Variants in ERBB4 observed in about 807,000 individuals in gnomAD.
ERBB4 encodes erb-b2 receptor tyrosine kinase 4.
In ERBB4, 42 loss-of-function variants were observed where a neutral mutation model predicts 158.0. That is an observed-to-expected ratio of 0.27 (90% CI 0.21 to 0.34). The LOEUF (loss-of-function observed/expected upper bound fraction) is 0.34. Among genes scored for constraint, ERBB4 ranks in the 10% least tolerant of loss-of-function variants. The pLI is 1.00. For synonymous variants in ERBB4, 583 were observed against 558.7 expected, an observed-to-expected ratio of 1.04 and a Z score of -0.61; for missense variants, 1,333 against 1,624.1, an observed-to-expected ratio of 0.82 and a Z score of 3.08.
intron 17 of ERBB4, among the ~76,000 whole-genome samples, chr2:211,627,767 G>A (rs1404915817): frequency 1.3e-5 from 2 of 152,130 alleles, no homozygotes; most frequent in Non-Finnish European, 2.9e-5. Context: ...TCAGGAGAAA[G>A]GTAAGATGGA....
intron 3 of ERBB4, among the ~76,000 whole-genome samples, chr2:211,803,789 T>C (rs541036627): frequency 2.0e-4 from 30 of 152,324 alleles, no homozygotes; most frequent in African/African-American, 7.2e-4. Context: ...AAGCTCTTAC[T>C]ACATCAATAA....
intron 16 of ERBB4, among the ~76,000 whole-genome samples, chr2:211,640,662 A>C (rs1225771551): frequency 6.6e-6 from 1 of 152,180 alleles, no homozygotes; most frequent in Non-Finnish European, 1.5e-5. Flanking sequence ...CGGTTATATT[A>C]GGAAAATTAT....
intron 1 of ERBB4, among the ~76,000 whole-genome samples, chr2:212,278,444 T>G (rs1264501911): frequency 6.6e-6 from 1 of 151,676 alleles, no homozygotes; most frequent in Non-Finnish European, 1.5e-5. Flanking sequence ...CTTATGGTCT[T>G]TTCAGTGAGG....
intron 20 of ERBB4, among the ~76,000 whole-genome samples, chr2:211,519,237 A>G (rs1186704173): frequency 6.6e-6 from 1 of 152,192 alleles, no homozygotes; most frequent in African/African-American, 2.4e-5. Flanking sequence ...TCTTTATTGC[A>G]TAAATATTTT....
chr2:211,473,981 C>T (rs575093590), intron 20 of ERBB4, among the ~76,000 whole-genome samples: 1 of 152,106 alleles, frequency 6.6e-6, no homozygotes, highest in Non-Finnish European at 1.5e-5. Flanking sequence ...CTTTCCATTT[C>T]GTCTCCAAGG....
intron 3 of ERBB4, among the ~76,000 whole-genome samples, chr2:211,835,559 T>C (rs941942625): frequency 6.6e-6 from 1 of 152,158 alleles, no homozygotes; most frequent in Non-Finnish European, 1.5e-5. Context: ...GTATAATCAA[T>C]ATGAAGTCAC....
intron 3 of ERBB4, among the ~76,000 whole-genome samples, chr2:211,804,518 C>A (rs1275252192): frequency 6.6e-6 from 1 of 152,190 alleles, no homozygotes; most frequent in Non-Finnish European, 1.5e-5. Flanking sequence ...CCAAAAAAGT[C>A]TTTCCAATAG....
At chr2:211,941,471 C>G (rs940784683) in intron 3 of ERBB4, among the ~76,000 whole-genome samples, 2 of 151,990 alleles carry the variant, frequency 1.3e-5, no homozygotes, top group Non-Finnish European at 2.9e-5. Flanking sequence ...GAATATGTCT[C>G]TTGTGTAGGT....
intron 1 of ERBB4, among the ~76,000 whole-genome samples, chr2:212,298,315 A>G (rs1465296153): frequency 1.3e-5 from 2 of 151,786 alleles, no homozygotes; most frequent in African/African-American, 2.4e-5. Flanking sequence ...ACAATCACAG[A>G]TTTGTTTATC....
intron 5 of ERBB4, among the ~76,000 whole-genome samples, chr2:211,725,498 C>T (rs559334773): frequency 0.42 from 267 of 636 alleles, 1 homozygote; most frequent in African/African-American, 0.48. Context: ...GTAATCCCAA[C>T]TACTTGGAGA....
Position 211,594,349 on chromosome 2 carries a change from G to C in ERBB4, c.2301+24828C>G, listed in dbSNP as rs13424112. Among the ~76,000 whole-genome samples the C allele has an allele frequency of 6.5e-4, 99 of 152,102 alleles. 1 individual carries two copies. The highest frequency in any genetic ancestry group is 2.3e-3 in the African/African-American group (96 of 41,482). ...AGCTACTCAGGAGGCTGAGGCAGGA[G>C]AATTGCTTGAAGCTGAGAGGCAGAG... On this transcript the variant is annotated intron_variant, in intron 19 of 27. Transcript: ENST00000342788.
intron 1 of ERBB4, among the ~76,000 whole-genome samples, chr2:212,384,273 C>A (rs1429617692): frequency 1.3e-5 from 2 of 151,648 alleles, no homozygotes; most frequent in East Asian, 1.9e-4. Flanking sequence ...CATCAAAATT[C>A]TTGTCCAGAT....
intron 19 of ERBB4, among the ~76,000 whole-genome samples, chr2:211,575,119 C>T (rs1479543037): frequency 6.6e-6 from 1 of 152,216 alleles, no homozygotes; most frequent in Non-Finnish European, 1.5e-5. Flanking sequence ...ACATTGCATC[C>T]ATAGCCTAGT....
At chr2:212,346,388 G>A (rs1394787) in intron 1 of ERBB4, among the ~76,000 whole-genome samples, 39,133 of 150,756 alleles carry the variant, frequency 0.26, 5,343 homozygotes, top group Non-Finnish European at 0.29. Context: ...CATAATGTCC[G>A]GATTTTGTGT....
At chr2:212,015,103 TATATATATA>T (rs532672311) in intron 2 of ERBB4, among the ~76,000 whole-genome samples, 11 of 80,350 alleles carry the variant, frequency 1.4e-4, no homozygotes, top group African/African-American at 2.2e-4. Flanking sequence ...TATATATATA[TATATATATA>T]AAAATTAGCC....
chr2:212,249,604 AG>A (rs1221455783), intron 1 of ERBB4, among the ~76,000 whole-genome samples: 1 of 151,934 alleles, frequency 6.6e-6, no homozygotes, highest in Non-Finnish European at 1.5e-5. Context: ...AATTAAAACA[AG>A]GATGTTTTAA....
Position 212,513,814 on chromosome 2 carries a change from A to AAATAAATAAATAAATAAATAAATAAAT in ERBB4, c.82+24634_82+24635insATTTATTTATTTATTTATTTATTTATT, listed in dbSNP as rs1553656326. ...GCGACACGGCGAGACTCCGTCTCAA[A>AAATAAATAAATAAATAAATAAATAAAT]AAATAAATAAATAAATAAATAAAAA... On this transcript the variant is annotated intron_variant, in intron 1 of 27. Coordinates refer to ENST00000342788, the MANE Select transcript of ERBB4 (RefSeq NM_005235.3). Among the ~76,000 whole-genome samples the AAATAAATAAATAAATAAATAAATAAAT allele has an allele frequency of 1.8e-3, 279 of 151,884 alleles. 4 individuals are homozygous for AAATAAATAAATAAATAAATAAATAAAT. Among genetic ancestry groups the AAATAAATAAATAAATAAATAAATAAAT allele is most frequent in the African/African-American group, 6.0e-3 (248 of 41,226 alleles).
At chr2:211,616,292 C>T (rs547183189) in intron 19 of ERBB4, among the ~76,000 whole-genome samples, 9 of 152,184 alleles carry the variant, frequency 5.9e-5, no homozygotes, top group African/African-American at 1.2e-4. Context: ...TCACTTACAA[C>T]GGCAGCTAGC....
chr2:212,219,548 T>C (rs556955648), intron 1 of ERBB4, among the ~76,000 whole-genome samples: 36 of 151,436 alleles, frequency 2.4e-4, no homozygotes, highest in Non-Finnish European at 4.1e-4. Context: ...CTTCTCCCAC[T>C]TGTGTTAGTT....
Sources: allele counts gnomAD v4.1 joint callset (sites outside exome capture counted in the v4.1 genomes callset), GRCh38; gene constraint gnomAD v4.1.1; transcripts MANE v1.5; gene names NCBI Gene and HGNC (gene_info 2026-07-23, HGNC 2026-07-21).